ARHGAP28: variants seen among roughly 807,000 people sequenced by gnomAD.
ARHGAP28 encodes the protein rho GTPase-activating protein 28.
A neutral mutation model predicts 90.7 loss-of-function variants in ARHGAP28; 56 were observed. That is an observed-to-expected ratio of 0.62 (90% CI 0.50 to 0.77). The LOEUF (loss-of-function observed/expected upper bound fraction) is 0.77, where lower values mean the gene tolerates loss of function less well. ARHGAP28 is among the 30% of genes least tolerant of loss of function. The probability of loss-of-function intolerance (pLI) is 0.00; values close to 1 mark genes in which losing one functional copy is unlikely to be tolerated. For synonymous variants in ARHGAP28, 308 were observed against 323.3 expected (o/e 0.95, Z 0.51); for missense variants, 869 against 900.9 (o/e 0.96, Z 0.45).
At chr18:6,801,578 A>G (rs1046800382) in intron 1 of ARHGAP28, among the ~76,000 whole-genome samples, 1 of 152,144 alleles carries the variant, frequency 6.6e-6, no homozygotes, top group African/African-American at 2.4e-5. Flanking sequence ...GAATCATTGA[A>G]TATATTGATC....
In ARHGAP28 at chr18:6,876,223, G is replaced by A. The variant is rs1230705852; in HGVS notation, c.1290+15G>A. Reference sequence around the variant, plus strand: ...CTAAAGTCAAGGTACCGAACATTTTGTCTCTTCCTAGGTAGAGTTCTAAGC... The same window carrying A: ...CTAAAGTCAAGGTACCGAACATTTTATCTCTTCCTAGGTAGAGTTCTAAGC... On this transcript the variant is annotated intron_variant, in intron 10 of 17. Coordinates refer to ENST00000383472, the MANE Select transcript of ARHGAP28 (RefSeq NM_001366230.1). 1.9e-6 allele frequency: 3 copies of A among 1,609,446 alleles called. No individual in the cohort carries two copies. The highest frequency in any genetic ancestry group is 2.6e-6 in the Non-Finnish European group (3 of 1,175,974).
Position 6,914,809 on chromosome 18 carries a change from T to A in ARHGAP28, c.*2655T>A, listed in dbSNP as rs2057414976. The A allele has an allele frequency of 6.6e-6, 1 of 152,458 alleles. No homozygotes were observed. Among genetic ancestry groups the A allele is most frequent in the African/African-American group, 2.4e-5 (1 of 41,426 alleles). 9.4% of individuals were successfully genotyped at this position (152,458 alleles called of 1,614,324 possible). On this transcript the variant is annotated 3_prime_UTR_variant, in exon 18 of 18. Transcript: ENST00000383472. Reference sequence around the variant, plus strand: ...TTAGGAATGCTTATTCAGAAAAAAATCCTAGAGTTGATTCATTGTTTTCCT... The same window carrying A: ...TTAGGAATGCTTATTCAGAAAAAAAACCTAGAGTTGATTCATTGTTTTCCT...
chr18:6,730,292 A>G (rs899804884), intron 1 of ARHGAP28, among the ~76,000 whole-genome samples: 1 of 151,280 alleles, frequency 6.6e-6, no homozygotes, highest in African/African-American at 2.4e-5. Context: ...AAATATTCCA[A>G]ATGAAACACA....
chr18:6,793,021 T>C (rs1447345783), intron 1 of ARHGAP28, among the ~76,000 whole-genome samples: 2 of 152,204 alleles, frequency 1.3e-5, no homozygotes, highest in East Asian at 1.9e-4. Flanking sequence ...AAACAACTTA[T>C]TATTCTGCAT....
At chr18:6,824,263 G>A (rs1323331677) in intron 1 of ARHGAP28, among the ~76,000 whole-genome samples, 1 of 152,128 alleles carries the variant, frequency 6.6e-6, no homozygotes, top group East Asian at 1.9e-4. Flanking sequence ...TTTTAGCCAG[G>A]TGTGGTGGCT....
chr18:6,783,405 G>A (rs781727954), intron 1 of ARHGAP28, among the ~76,000 whole-genome samples: 31 of 151,708 alleles, frequency 2.0e-4, no homozygotes, highest in Admixed American at 7.2e-4. Context: ...AGGTTCAAGC[G>A]ATTTTCCTGC....
chr18:6,735,675 C>T (rs2055920585), intron 1 of ARHGAP28, among the ~76,000 whole-genome samples: 1 of 151,940 alleles, frequency 6.6e-6, no homozygotes, highest in South Asian at 2.1e-4. Flanking sequence ...CCATCTCAGC[C>T]TCCTGAGTCG....
At chr18:6,882,020 A>T (rs1384990040) in intron 10 of ARHGAP28, 117 bp from the exon 11 acceptor site, 1 of 895,940 alleles carries the variant, frequency 1.1e-6, no homozygotes, top group Non-Finnish European at 1.6e-6. Flanking sequence ...CTCTTGGTAG[A>T]CATTACCTTA....
chr18:6,898,805 G>C, intron 16 of ARHGAP28: 1 of 1,141,784 alleles, frequency 8.8e-7, no homozygotes, highest in Non-Finnish European at 1.1e-6. Flanking sequence ...AACATCATAT[G>C]TTCTCACTCG....
intron 17 of ARHGAP28, among the ~76,000 whole-genome samples, chr18:6,910,995 T>G (rs571522): frequency 2.6e-5 from 4 of 151,292 alleles, no homozygotes; most frequent in African/African-American, 9.7e-5. Flanking sequence ...CAGGCGCCCA[T>G]CACCACGCCC....
At chr18:6,863,525 C>A (rs2057014012) in intron 5 of ARHGAP28, among the ~76,000 whole-genome samples, 1 of 151,512 alleles carries the variant, frequency 6.6e-6, no homozygotes, top group African/African-American at 2.4e-5. Context: ...AGTATTTTAA[C>A]CTGTATTCTA....
intron 2 of ARHGAP28, chr18:6,836,099 A>G (rs1354494061): frequency 6.6e-6 from 1 of 152,156 alleles, no homozygotes; most frequent in Non-Finnish European, 1.5e-5. Flanking sequence ...CTCTTACAGG[A>G]AACTCGTTTG....
chr18:6,778,870 G>C (rs981332223), intron 1 of ARHGAP28: 1 of 152,092 alleles, frequency 6.6e-6, no homozygotes, highest in Non-Finnish European at 1.5e-5. Context: ...AGGGAATATC[G>C]GGCTATCACA....
intron 3 of ARHGAP28, among the ~76,000 whole-genome samples, chr18:6,839,942 C>G (rs574976165): frequency 1.3e-5 from 2 of 152,312 alleles, no homozygotes; most frequent in South Asian, 4.1e-4. Flanking sequence ...AAGAGCAACT[C>G]TCCTTCTTTC....
At chr18:6,731,497 T>C (rs2055882179) in intron 1 of ARHGAP28, among the ~76,000 whole-genome samples, 1 of 152,184 alleles carries the variant, frequency 6.6e-6, no homozygotes, top group Non-Finnish European at 1.5e-5. Flanking sequence ...GCATGTGGTC[T>C]TGTGGAATGA....
chr18:6,791,093 T>C (rs2056403187), intron 1 of ARHGAP28: 1 of 152,182 alleles, frequency 6.6e-6, no homozygotes, highest in Admixed American at 6.5e-5. Flanking sequence ...AAGGGGAGTT[T>C]ATAAAGTATT....
rs2057406258 is a variant in ARHGAP28 at position 6,912,873 on chromosome 18, T to C, written c.*719T>C. The C allele has an allele frequency of 6.6e-6, 1 of 152,232 alleles. No homozygotes were observed. The highest frequency in any genetic ancestry group is 1.5e-5 in the Non-Finnish European group (1 of 68,046). The allele number at this position is 152,232 out of a possible 1,614,324, so 9.4% of individuals were successfully genotyped here. A position where few individuals can be genotyped will look rare whatever the true frequency, so the allele number is the denominator to read the frequency against. The stretch of plus-strand genomic sequence containing the variant: ...CAGGTCCTCCTAGTGAAGCTTAGTT[T>C]GACAAAGGGTGTCATATGCTTTCCT... On this transcript the variant is annotated 3_prime_UTR_variant, in exon 18 of 18. Transcript: ENST00000383472.
At chr18:6,765,555 C>G (rs2056193637) in intron 1 of ARHGAP28, among the ~76,000 whole-genome samples, 1 of 151,984 alleles carries the variant, frequency 6.6e-6, no homozygotes, top group South Asian at 2.1e-4. Flanking sequence ...CTTATCTTTT[C>G]CAAACTCTGC....
At chr18:6,850,483 C>T (rs886798633) in intron 3 of ARHGAP28, among the ~76,000 whole-genome samples, 2 of 152,330 alleles carry the variant, frequency 1.3e-5, no homozygotes, top group African/African-American at 4.8e-5. Context: ...TATGGCTGCC[C>T]TGGCAGTGAT....
Sources: allele counts gnomAD v4.1 joint callset (sites outside exome capture counted in the v4.1 genomes callset), GRCh38; gene constraint gnomAD v4.1.1; transcripts MANE v1.5; gene names NCBI Gene and HGNC (gene_info 2026-07-23, HGNC 2026-07-21).